The following RRH variants were observed in gnomAD, a reference collection of about 807,000 sequenced individuals.
The protein encoded by RRH is visual pigment-like receptor peropsin.
RRH carries 36 observed loss-of-function variants against 33.1 expected under a neutral mutation model. The ratio of observed to expected loss-of-function variants is 1.09; its 90% CI spans 0.83 to 1.44. The LOEUF (loss-of-function observed/expected upper bound fraction) is 1.44, where lower values mean the gene tolerates loss of function less well. Among genes scored for constraint, RRH ranks in the 40% most tolerant of loss-of-function variants. RRH has a pLI of 0.00. For missense variants in RRH, 393 were observed against 420.2 expected, an observed-to-expected ratio of 0.94 and a Z score of 0.57; for synonymous variants, 124 against 140.2, an observed-to-expected ratio of 0.88 and a Z score of 0.82.
intron 1 of RRH, among the ~76,000 whole-genome samples, chr4:109,831,419 T>C (rs999846915): frequency 6.6e-6 from 1 of 152,156 alleles, no homozygotes; most frequent in Non-Finnish European, 1.5e-5. Flanking sequence ...TGTCACGTAT[T>C]CAAAAACCAC....
Position 109,833,269 on chromosome 4 carries a change from T to G in RRH, c.237T>G (p.Tyr79Ter). ...VTDIGVSSIG[Y>*]PMSAASDLYG... ...ATATAGGGGTCAGTAGCATTGGCTA[T>G]CCCATGTCTGCTGCCTCAGATCTGT... The change falls in exon 2 of 7, where the codon TAT (tyrosine) becomes TAG (stop). Residue 79 changes from tyrosine (Y) to a stop codon, truncating the protein, a stop_gained. Transcript: ENST00000317735. LOFTEE classifies it high-confidence loss of function. The G allele has an allele frequency of 6.2e-7, 1 of 1,614,118 alleles. No homozygotes were observed. Among genetic ancestry groups the G allele is most frequent in the Non-Finnish European group, 8.5e-7 (1 of 1,179,990 alleles).
intron 1 of RRH, among the ~76,000 whole-genome samples, chr4:109,830,975 C>G (rs917202381): frequency 3.3e-5 from 5 of 152,134 alleles, no homozygotes; most frequent in African/African-American, 1.2e-4. Context: ...TAACTAAAAT[C>G]TAACAACTAG....
At chr4:109,839,007 C>T (rs1387199128) in intron 5 of RRH, among the ~76,000 whole-genome samples, 1 of 147,800 alleles carries the variant, frequency 6.8e-6, no homozygotes, top group Non-Finnish European at 1.5e-5. Context: ...CCTGGAATTC[C>T]TTTTATTTAG....
At chr4:109,832,851 A>G (rs374685526) in intron 1 of RRH, among the ~76,000 whole-genome samples, 2 of 152,170 alleles carry the variant, frequency 1.3e-5, no homozygotes, top group South Asian at 2.1e-4. Context: ...ATGAAAGCCA[A>G]TGAAGGAGTT....
chr4:109,841,408 C>T (rs969510325), intron 5 of RRH, among the ~76,000 whole-genome samples: 10 of 152,130 alleles, frequency 6.6e-5, no homozygotes, highest in East Asian at 1.9e-4. Flanking sequence ...TCTGAGTTTC[C>T]CAAATTAGCC....
Position 109,837,483 on chromosome 4 carries a change from G to C in RRH, c.598G>C (p.Val200Leu). 1 of 1,613,646 alleles carries C rather than the reference G, an allele frequency of 6.2e-7. No individual in the cohort carries two copies. Among genetic ancestry groups the C allele is most frequent in the Non-Finnish European group, 8.5e-7 (1 of 1,179,794 alleles). ...TMTVIAINFIVPLTVMFYCYY... is the reference protein window; with the variant it reads ...TMTVIAINFILPLTVMFYCYY... ...GACAGTTATTGCGATAAATTTTATT[G>C]TGCCCTTGACAGTGATGTTTTACTG... Residue 200 changes from valine (V) to leucine (L), a missense_variant, in exon 5 of 7, where the codon GTG becomes CTG. Coordinates refer to ENST00000317735, the MANE Select transcript of RRH (RefSeq NM_006583.5).
At position 109,827,984 on chromosome 4, in the gene RRH, T is replaced by C; in HGVS notation, c.-44T>C. 3 of 1,223,766 alleles carry C rather than the reference T, an allele frequency of 2.5e-6. No homozygotes were observed. The highest frequency in any genetic ancestry group is 3.6e-6 in the Non-Finnish European group (3 of 826,234). The allele number at this position is 1,223,766 out of a possible 1,614,324, so 75.8% of individuals were successfully genotyped here. A position where few individuals can be genotyped will look rare whatever the true frequency, so the allele number is the denominator to read the frequency against. ...TAGCTCATAAAGCAGTTCATAATTA[T>C]CGAAGGCTTATTATGAAGGGTGTTT... On this transcript the variant is annotated 5_prime_UTR_variant, in exon 1 of 7. Transcript: ENST00000317735.
intron 1 of RRH, among the ~76,000 whole-genome samples, chr4:109,832,053 C>T (rs757835518): frequency 5.7e-4 from 86 of 151,746 alleles, no homozygotes; most frequent in Non-Finnish European, 8.8e-5. Context: ...CCAAGTAATT[C>T]TTTTCTTGAT....
At chr4:109,838,648 G>A (rs949749094) in intron 5 of RRH, among the ~76,000 whole-genome samples, 20 of 152,218 alleles carry the variant, frequency 1.3e-4, no homozygotes, top group African/African-American at 4.8e-4. Flanking sequence ...TTGACTGATT[G>A]TTTGCCTGGT....
intron 5 of RRH, 114 bp downstream of exon 5, chr4:109,837,719 C>T: frequency 3.9e-6 from 3 of 775,660 alleles, no homozygotes; most frequent in Non-Finnish European, 6.7e-6. Flanking sequence ...ATTCTCACTC[C>T]CCAGCTCTTT....
Position 109,844,174 on chromosome 4 carries a change from C to G in RRH, c.991C>G (p.Pro331Ala), listed in dbSNP as rs1273542478. The G allele has an allele frequency of 6.2e-7, 1 of 1,610,652 alleles. No individual in the cohort carries two copies. The highest frequency in any genetic ancestry group is 2.2e-5 in the East Asian group (1 of 44,848). The change falls in exon 7 of 7, where the codon CCA (proline) becomes GCA (alanine). Residue 331 changes from proline (P) to alanine (A), a missense_variant. Transcript: ENST00000317735. ...TTTACCCATGGATGTATCTCAAAAC[C>G]CATTGGCTTCTGGAAGAATCTGAAA... ...SILPMDVSQN[P>A]LASGRI
At chr4:109,842,789 GGAC>G (rs1734010141) in intron 6 of RRH, 142 bp downstream of exon 6, 15 of 743,322 alleles carry the variant, frequency 2.0e-5, no homozygotes, top group Non-Finnish European at 3.5e-5. Flanking sequence ...GCAGCATCTA[GGAC>G]CTTAAATGCT....
Position 109,828,100 on chromosome 4 carries a change from C to T in RRH, c.73C>T (p.His25Tyr), listed in dbSNP as rs890534354. Residue 25 changes from histidine (H) to tyrosine (Y), a missense_variant, in exon 1 of 7, where the codon CAC becomes TAC. Coordinates refer to ENST00000317735, the MANE Select transcript of RRH (RefSeq NM_006583.5). ...EDGSVFSQTE[H>Y]NIVATYLIMA... ...TGGCTCGGTCTTTTCACAGACTGAA[C>T]ACAATATTGTTGCAACTTACTTGAT... 5 of 1,611,754 alleles carry T rather than the reference C, an allele frequency of 3.1e-6. No homozygotes were observed. The highest frequency in any genetic ancestry group is 4.2e-6 in the Non-Finnish European group (5 of 1,178,148).
intron 5 of RRH, among the ~76,000 whole-genome samples, chr4:109,841,327 G>A (rs1034985686): frequency 6.6e-6 from 1 of 152,094 alleles, no homozygotes; most frequent in Non-Finnish European, 1.5e-5. Flanking sequence ...GTGCAGGGAG[G>A]GAGCAGCATA....
At position 109,828,062 on chromosome 4, in the gene RRH, C is replaced by CT; in HGVS notation, c.36dup (p.Lys13Ter). ...AATAATTTAGGCAACAGTTCAGACTCTAAAAATGAAGATGGCTCGGTCTTT... is the reference window on the plus strand; with the variant it reads ...AATAATTTAGGCAACAGTTCAGACTCTTAAAAATGAAGATGGCTCGGTCTTT... On this transcript the variant is annotated frameshift_variant, in exon 1 of 7. Transcript: ENST00000317735. LOFTEE classifies it high-confidence loss of function. 1 of 1,612,678 alleles carries CT rather than the reference C, an allele frequency of 6.2e-7. No individual in the cohort carries two copies. The highest frequency in any genetic ancestry group is 1.1e-5 in the South Asian group (1 of 91,042).
At chr4:109,832,241 A>G (rs1362625037) in intron 1 of RRH, among the ~76,000 whole-genome samples, 1 of 147,558 alleles carries the variant, frequency 6.8e-6, no homozygotes, top group African/African-American at 2.5e-5. Flanking sequence ...GATGTTGAAC[A>G]TGCACATCCA....
rs112538657 is a variant in RRH, at chr4:109,835,525, A to G, written c.397+60A>G. On this transcript the variant is annotated intron_variant, in intron 3 of 6. Transcript: ENST00000317735. ...ATTTCTTGACTAATGGCCACTCAATATATATATACGCTAAAATATAAACCT... is the reference window on the plus strand; with the variant it reads ...ATTTCTTGACTAATGGCCACTCAATGTATATATACGCTAAAATATAAACCT... 2.9e-5 allele frequency: 32 copies of G among 1,102,472 alleles called. No individual in the cohort carries two copies. In the African/African-American group the frequency reaches 4.9e-4, roughly 17 times the overall value. 68.3% of individuals were successfully genotyped at this position (1,102,472 alleles called of 1,614,324 possible).
At chr4:109,838,441 A>G (rs1051687968) in intron 5 of RRH, among the ~76,000 whole-genome samples, 2 of 151,480 alleles carry the variant, frequency 1.3e-5, no homozygotes, top group East Asian at 3.9e-4. Context: ...TCCCTTCATC[A>G]CCAGCTCAGG....
Position 109,836,109 on chromosome 4 carries a change from C to T in RRH, c.500C>T (p.Ala167Val). 2 of 1,614,098 alleles carry T rather than the reference C, an allele frequency of 1.2e-6. No individual in the cohort carries two copies. Among genetic ancestry groups the T allele is most frequent in the Non-Finnish European group, 1.7e-6 (2 of 1,179,980 alleles). The change falls in exon 4 of 7, where the codon GCC (alanine) becomes GTC (valine). Residue 167 changes from alanine to valine, a missense_variant. Physicochemically the swap from Ala to Val is moderately conservative, Grantham distance 64 (BLOSUM62 0). Coordinates refer to ENST00000317735, the MANE Select transcript of RRH (RefSeq NM_006583.5). Reference sequence around the variant, plus strand: ...CCTATCATAGGGTGGGCTAGTTATGCCCCAGATCCTACTGGTGCTACGTGT... The same window carrying T: ...CCTATCATAGGGTGGGCTAGTTATGTCCCAGATCCTACTGGTGCTACGTGT... The part of the protein sequence containing the change: ...LMPIIGWASY[A>V]PDPTGATCTI...
Sources: allele counts gnomAD v4.1 joint callset (sites outside exome capture counted in the v4.1 genomes callset), GRCh38; gene constraint gnomAD v4.1.1; transcripts MANE v1.5; gene names NCBI Gene and HGNC (gene_info 2026-07-23, HGNC 2026-07-21).